The following PCGF5 variants were observed in gnomAD, a reference collection of about 807,000 sequenced individuals.
PCGF5 encodes polycomb group RING finger protein 5.
A neutral mutation model predicts 44.3 loss-of-function variants in PCGF5; 9 were observed. That is an observed-to-expected ratio of 0.20 (90% CI 0.12 to 0.35). The LOEUF (loss-of-function observed/expected upper bound fraction) is 0.35, where lower values mean the gene tolerates loss of function less well. Among genes scored for constraint, PCGF5 ranks in the 10% least tolerant of loss-of-function variants. The pLI is 1.00. For missense variants in PCGF5, 146 were observed against 305.3 expected (o/e 0.48, Z 3.89); for synonymous variants, 95 against 102.5 (o/e 0.93, Z 0.44).
Position 91,177,003 on chromosome 10 carries a change from T to A in PCGF5, c.-184+13922T>A, listed in dbSNP as rs61857954. 6.2e-3 allele frequency among the ~76,000 whole-genome samples: 937 copies of A among 152,318 alleles called. 4 individuals are homozygous for A. Among genetic ancestry groups the A allele is most frequent in the Non-Finnish European group, 0.011 (739 of 68,028 alleles). On this transcript the variant is annotated intron_variant, in intron 1 of 9. Transcript: ENST00000614189. ...CGCCCTGATTTTTAGAATTTTCAGT[T>A]TTTCTGCTCTGTTTTTTCCCCATCT...
At chr10:91,164,823 C>A (rs1382077233) in intron 1 of PCGF5, among the ~76,000 whole-genome samples, 2 of 152,186 alleles carry the variant, frequency 1.3e-5, no homozygotes, top group Non-Finnish European at 2.9e-5. Context: ...CAGGAGCCAC[C>A]CCATAATACT....
intron 6 of PCGF5, among the ~76,000 whole-genome samples, chr10:91,260,151 G>C (rs1336280063): frequency 6.6e-6 from 1 of 151,740 alleles, no homozygotes. Context: ...GTGGGCAAAG[G>C]GTATGAACAG....
upstream of PCGF5, among the ~76,000 whole-genome samples, chr10:91,162,720 G>C (rs994368105): frequency 6.6e-6 from 1 of 151,508 alleles, no homozygotes; most frequent in Non-Finnish European, 1.5e-5. Context: ...CGCGGCGGCG[G>C]CTCGAGGAGG....
intron 1 of PCGF5, among the ~76,000 whole-genome samples, chr10:91,185,585 G>A (rs1790617184): frequency 6.6e-6 from 1 of 152,208 alleles, no homozygotes; most frequent in African/African-American, 2.4e-5. Flanking sequence ...CTTTGCCTGA[G>A]TTGTAGTTAC....
At chr10:91,164,140 C>T (rs887109718) in intron 1 of PCGF5, among the ~76,000 whole-genome samples, 2 of 152,238 alleles carry the variant, frequency 1.3e-5, no homozygotes, top group Admixed American at 6.5e-5. Context: ...TCGCTATGTA[C>T]CTCTGACCCA....
At chr10:91,254,575 G>C (rs1370326613) in intron 6 of PCGF5, among the ~76,000 whole-genome samples, 2 of 151,892 alleles carry the variant, frequency 1.3e-5, no homozygotes, top group Non-Finnish European at 2.9e-5. Flanking sequence ...TCCCTTAGTG[G>C]CAGAGACACA....
intron 1 of PCGF5, among the ~76,000 whole-genome samples, chr10:91,222,063 A>T (rs1190742289): frequency 6.6e-6 from 1 of 152,302 alleles, no homozygotes; most frequent in African/African-American, 2.4e-5. Context: ...TGAAGGGTAT[A>T]TTAAGGTTAA....
rs572208132 is a variant in PCGF5, at chr10:91,245,321, A to G, written c.210-3184A>G. On this transcript the variant is annotated intron_variant, in intron 3 of 9. Transcript: ENST00000336126. ...AGAATTCATGGTTGGATTTAGCAAC[A>G]TGGAGTTCATCAACTTTGAAAAGAG... Among the ~76,000 whole-genome samples the G allele has an allele frequency of 7.7e-4, 118 of 152,308 alleles. 3 individuals are homozygous for G. In the South Asian group the frequency reaches 0.023, roughly 30 times the overall value.
chr10:91,261,257 T>A (rs2133414166), intron 6 of PCGF5, 69 bp from the exon 7 acceptor site: 1 of 1,371,532 alleles, frequency 7.3e-7, no homozygotes, highest in Admixed American at 2.9e-5. Context: ...TAGCTATGGT[T>A]TCACCAGAAG....
At chr10:91,168,394 G>C (rs950489448) in intron 1 of PCGF5, among the ~76,000 whole-genome samples, 2 of 152,206 alleles carry the variant, frequency 1.3e-5, no homozygotes, top group Non-Finnish European at 2.9e-5. Context: ...GGGCTGAGTT[G>C]AAGACTGGGA....
chr10:91,182,020 G>GA (rs1324396124), intron 1 of PCGF5, among the ~76,000 whole-genome samples: 1 of 152,086 alleles, frequency 6.6e-6, no homozygotes, highest in African/African-American at 2.4e-5. Context: ...TCAGTCTTTG[G>GA]AGGGTGTATG....
intron 7 of PCGF5, among the ~76,000 whole-genome samples, chr10:91,261,677 C>G (rs997408381): frequency 3.3e-5 from 5 of 152,124 alleles, no homozygotes; most frequent in African/African-American, 1.2e-4. Flanking sequence ...ATTTAAAGAA[C>G]TTAACATTAA....
At chr10:91,180,820 C>T (rs1843805008) in intron 1 of PCGF5, among the ~76,000 whole-genome samples, 1 of 152,130 alleles carries the variant, frequency 6.6e-6, no homozygotes, top group Non-Finnish European at 1.5e-5. Flanking sequence ...TTAGGATTGC[C>T]TTGGCTATTC....
chr10:91,187,448 C>G (rs1843948232), intron 1 of PCGF5, among the ~76,000 whole-genome samples: 1 of 151,982 alleles, frequency 6.6e-6, no homozygotes, highest in Non-Finnish European at 1.5e-5. Flanking sequence ...CTCTTCACTA[C>G]TAGATTCCCA....
intron 3 of PCGF5, among the ~76,000 whole-genome samples, chr10:91,246,855 A>G (rs1325276369): frequency 6.6e-6 from 1 of 152,164 alleles, no homozygotes; most frequent in East Asian, 1.9e-4. Context: ...CAATCTTGAC[A>G]TAGATTAATA....
At chr10:91,223,400 G>A (rs1214661990) in intron 2 of PCGF5, among the ~76,000 whole-genome samples, 1 of 152,076 alleles carries the variant, frequency 6.6e-6, no homozygotes, top group African/African-American at 2.4e-5. Flanking sequence ...CAAGTTCTAG[G>A]AACTTGTTAG....
At chr10:91,159,920 T>C (rs1224467793), upstream of PCGF5, among the ~76,000 whole-genome samples, 3 of 152,226 alleles carry the variant, frequency 2.0e-5, no homozygotes, top group Non-Finnish European at 2.9e-5. Flanking sequence ...ACTGGACACG[T>C]TGCACCAAAC....
chr10:91,259,394 C>A (rs561809525), intron 6 of PCGF5, among the ~76,000 whole-genome samples: 34 of 152,250 alleles, frequency 2.2e-4, no homozygotes, highest in South Asian at 1.7e-3. Flanking sequence ...TATTTAAAAG[C>A]TGTGATACCA....
chr10:91,270,193 G>A (rs1846145982), intron 8 of PCGF5, among the ~76,000 whole-genome samples: 1 of 151,980 alleles, frequency 6.6e-6, no homozygotes, highest in Non-Finnish European at 1.5e-5. Context: ...CTTTTCTTGG[G>A]TAGTTCTCAG....
Sources: gnomAD v4.1 joint callset for allele counts (sites outside exome capture counted in the v4.1 genomes callset) on GRCh38, gnomAD v4.1.1 for gene constraint, MANE v1.5 for transcripts, NCBI Gene and HGNC (gene_info 2026-07-23, HGNC 2026-07-21) for gene names.